NOL4: variants seen among roughly 807,000 people sequenced by gnomAD.
The protein encoded by NOL4 is cancer/testis antigen 125.
In NOL4, 17 loss-of-function variants were observed where a neutral mutation model predicts 75.9. The ratio of observed to expected loss-of-function variants is 0.22; its 90% CI spans 0.15 to 0.34. The LOEUF (loss-of-function observed/expected upper bound fraction) is 0.34, where lower values mean the gene tolerates loss of function less well. NOL4 is among the 10% of genes least tolerant of loss of function. NOL4 has a pLI of 1.00. For synonymous variants in NOL4, 292 were observed against 289.9 expected (o/e 1.01, Z -0.07); for missense variants, 614 against 793.5 (o/e 0.77, Z 2.72).
intron 1 of NOL4, among the ~76,000 whole-genome samples, chr18:34,199,259 A>T (rs1265468503): frequency 1.3e-5 from 2 of 151,112 alleles, no homozygotes; most frequent in East Asian, 3.9e-4. Context: ...CAAACTTCAT[A>T]CCTTATGTGG....
chr18:33,951,194 G>A (rs1403193859), intron 8 of NOL4, among the ~76,000 whole-genome samples: 1 of 152,094 alleles, frequency 6.6e-6, no homozygotes, highest in East Asian at 1.9e-4. Context: ...GCATTCCTCT[G>A]GAATCAGTCA....
intron 6 of NOL4, among the ~76,000 whole-genome samples, chr18:33,994,749 A>G (rs949474182): frequency 4.6e-5 from 7 of 151,650 alleles, no homozygotes; most frequent in African/African-American, 1.7e-4. Flanking sequence ...ACAAAGGACA[A>G]ACAAAACGTA....
chr18:33,883,049 A>T (rs957578779), intron 10 of NOL4, among the ~76,000 whole-genome samples, 195 bp downstream of exon 10: 16 of 151,944 alleles, frequency 1.1e-4, no homozygotes, highest in Admixed American at 3.3e-4. Flanking sequence ...CACTCTGGGG[A>T]CTGTTGTGGG....
chr18:33,878,668 G>A (rs2064076552), intron 10 of NOL4, among the ~76,000 whole-genome samples: 1 of 151,894 alleles, frequency 6.6e-6, no homozygotes, highest in Non-Finnish European at 1.5e-5. Context: ...AGCTCACCCA[G>A]CCTAATTCAA....
chr18:33,904,040 A>T (rs143149709), intron 9 of NOL4, among the ~76,000 whole-genome samples: 84 of 152,250 alleles, frequency 5.5e-4, no homozygotes, highest in African/African-American at 2.0e-3. Flanking sequence ...CATAAAACTT[A>T]TAGATAAATT....
chr18:34,174,411 A>G (rs2033344206), intron 1 of NOL4, among the ~76,000 whole-genome samples: 1 of 152,172 alleles, frequency 6.6e-6, no homozygotes, highest in Admixed American at 6.5e-5. Flanking sequence ...AAAAAGAAAT[A>G]AAAAAGCTAA....
At chr18:33,974,145 T>G (rs2071304961) in intron 6 of NOL4, among the ~76,000 whole-genome samples, 1 of 152,172 alleles carries the variant, frequency 6.6e-6, no homozygotes, top group Non-Finnish European at 1.5e-5. Flanking sequence ...AATTTCTACA[T>G]CAGCATTCGT....
intron 5 of NOL4, among the ~76,000 whole-genome samples, chr18:34,051,278 A>T (rs2076614016): frequency 6.6e-6 from 1 of 152,090 alleles, no homozygotes; most frequent in Non-Finnish European, 1.5e-5. Flanking sequence ...TATTTAATAA[A>T]GCAAAGTGAA....
chr18:33,916,149 AT>A, intron 9 of NOL4, among the ~76,000 whole-genome samples: 1 of 152,084 alleles, frequency 6.6e-6, no homozygotes, highest in South Asian at 2.1e-4. Flanking sequence ...ACATTTTTCA[AT>A]TTTTTGGAGT....
At chr18:33,982,240 A>T (rs1346367196) in intron 6 of NOL4, among the ~76,000 whole-genome samples, 2 of 152,120 alleles carry the variant, frequency 1.3e-5, no homozygotes, top group Admixed American at 1.3e-4. Flanking sequence ...TCAATGGTCT[A>T]AATATACCAA....
At chr18:33,991,149 C>A (rs1191667961) in intron 6 of NOL4, among the ~76,000 whole-genome samples, 1 of 151,954 alleles carries the variant, frequency 6.6e-6, no homozygotes. Context: ...TCACCGATAT[C>A]CACAACTAGC....
chr18:34,115,211 C>T (rs77038540), intron 2 of NOL4, among the ~76,000 whole-genome samples: 2,226 of 152,242 alleles, frequency 0.015, 17 homozygotes, highest in Middle Eastern at 0.034. Flanking sequence ...CTAGTGAGCA[C>T]ATTCCTTTCC....
chr18:34,162,500 A>C (rs2031654150), intron 1 of NOL4, among the ~76,000 whole-genome samples: 1 of 152,198 alleles, frequency 6.6e-6, no homozygotes, highest in Admixed American at 6.5e-5. Flanking sequence ...GAAATGGATA[A>C]ATTCCTGGAC....
chr18:33,876,669 T>C (rs1264173468), intron 10 of NOL4, among the ~76,000 whole-genome samples: 2 of 152,210 alleles, frequency 1.3e-5, no homozygotes, highest in African/African-American at 4.8e-5. Context: ...ATAGATATGA[T>C]AATGCCATTT....
intron 6 of NOL4, among the ~76,000 whole-genome samples, chr18:33,995,718 A>G (rs77854223): frequency 0.012 from 1,776 of 151,956 alleles, 32 homozygotes; most frequent in African/African-American, 0.04. Flanking sequence ...TTTAATTTCT[A>G]CATATTTTTG....
intron 5 of NOL4, 57 bp downstream of exon 5, chr18:34,093,408 A>T (rs886785522): frequency 6.7e-6 from 10 of 1,499,314 alleles, no homozygotes; most frequent in African/African-American, 1.4e-5. Flanking sequence ...GTTTCCATGC[A>T]TTCTGACTCA....
At chr18:34,094,994 C>A (rs927931096) in intron 4 of NOL4, among the ~76,000 whole-genome samples, 3 of 152,076 alleles carry the variant, frequency 2.0e-5, no homozygotes, top group African/African-American at 7.2e-5. Context: ...CTATTATTAA[C>A]GAACAAGACT....
chr18:34,099,699 A>G (rs1205860024), intron 4 of NOL4, among the ~76,000 whole-genome samples: 2 of 151,994 alleles, frequency 1.3e-5, no homozygotes, highest in African/African-American at 4.8e-5. Flanking sequence ...ACCCTTTTGC[A>G]TTGACCTCCC....
intron 10 of NOL4, among the ~76,000 whole-genome samples, chr18:33,878,790 A>G (rs2144611561): frequency 6.6e-6 from 1 of 152,250 alleles, no homozygotes; most frequent in South Asian, 2.1e-4. Flanking sequence ...TGGTACTACC[A>G]ATTCAAATAC....
Sources: gnomAD v4.1 joint callset for allele counts (sites outside exome capture counted in the v4.1 genomes callset) on GRCh38, gnomAD v4.1.1 for gene constraint, MANE v1.5 for transcripts, NCBI Gene and HGNC (gene_info 2026-07-23, HGNC 2026-07-21) for gene names.